BMERB1: variants seen among roughly 807,000 people sequenced by gnomAD.
BMERB1 encodes the protein bMERB domain-containing protein 1.
Under a neutral mutation model 23.6 loss-of-function variants are expected in BMERB1, and 12 were observed. That is an observed-to-expected ratio of 0.51 (90% CI 0.33 to 0.82). The LOEUF (loss-of-function observed/expected upper bound fraction) is 0.82. BMERB1 is among the 40% of genes least tolerant of loss of function. The probability of loss-of-function intolerance (pLI) is 0.03; values close to 1 mark genes in which losing one functional copy is unlikely to be tolerated. For missense variants in BMERB1, 247 were observed against 255.4 expected (o/e 0.97, Z 0.22); for synonymous variants, 122 against 96.6 (o/e 1.26, Z -1.54).
intron 2 of BMERB1, among the ~76,000 whole-genome samples, chr16:15,530,909 T>C (rs1326713474): frequency 2.1e-5 from 3 of 146,158 alleles, no homozygotes; most frequent in Non-Finnish European, 4.5e-5. Flanking sequence ...CTTTCTTTTT[T>C]TTTTTTTTTT....
At chr16:15,518,593 T>C (rs2051805631) in intron 2 of BMERB1, among the ~76,000 whole-genome samples, 1 of 152,258 alleles carries the variant, frequency 6.6e-6, no homozygotes, top group South Asian at 2.1e-4. Context: ...TTGAATTCAC[T>C]TTCTTGGCTG....
chr16:15,500,831 T>C (rs563944156), intron 1 of BMERB1, among the ~76,000 whole-genome samples: 21 of 152,290 alleles, frequency 1.4e-4, no homozygotes, highest in African/African-American at 5.1e-4. Flanking sequence ...TCTGTATTTT[T>C]AGTAGAGATG....
chr16:15,514,103 C>T (rs1413893155), intron 1 of BMERB1, among the ~76,000 whole-genome samples: 1 of 151,388 alleles, frequency 6.6e-6, no homozygotes. Flanking sequence ...ACACCCCCAT[C>T]TCTACAAAAA....
intron 5 of BMERB1, among the ~76,000 whole-genome samples, chr16:15,584,629 T>G (rs1264613487): frequency 6.6e-6 from 1 of 151,836 alleles, no homozygotes; most frequent in Non-Finnish European, 1.5e-5. Flanking sequence ...AAAAAGGAAT[T>G]TGTTGGAGAA....
At chr16:15,453,921 A>T (rs1214695096) in intron 1 of BMERB1, among the ~76,000 whole-genome samples, 1 of 152,050 alleles carries the variant, frequency 6.6e-6, no homozygotes, top group African/African-American at 2.4e-5. Flanking sequence ...CCAACCTCCA[A>T]TAACCACTGA....
At chr16:15,463,456 G>A (rs2051153973) in intron 1 of BMERB1, among the ~76,000 whole-genome samples, 2 of 152,122 alleles carry the variant, frequency 1.3e-5, no homozygotes, top group Non-Finnish European at 2.9e-5. Context: ...CAGGTTCAGT[G>A]TGGAGAGTGA....
chr16:15,489,992 G>A (rs993019598), intron 1 of BMERB1, among the ~76,000 whole-genome samples: 7 of 152,018 alleles, frequency 4.6e-5, no homozygotes, highest in Middle Eastern at 3.4e-3. Context: ...TCAGCCTTCC[G>A]AGTAGCTGGG....
At chr16:15,543,221 G>A (rs149725994) in intron 2 of BMERB1, among the ~76,000 whole-genome samples, 2,312 of 152,118 alleles carry the variant, frequency 0.015, 62 homozygotes, top group African/African-American at 0.052. Flanking sequence ...AACTCCTCTC[G>A]ATGTTCAGAC....
intron 1 of BMERB1, among the ~76,000 whole-genome samples, chr16:15,480,820 G>T (rs2051314121): frequency 6.6e-6 from 1 of 151,620 alleles, no homozygotes; most frequent in Non-Finnish European, 1.5e-5. Flanking sequence ...CACCATGTTG[G>T]CCAGGATGGT....
intron 2 of BMERB1, among the ~76,000 whole-genome samples, chr16:15,543,101 G>A (rs1027924157): frequency 1.3e-5 from 2 of 152,090 alleles, no homozygotes; most frequent in Admixed American, 6.6e-5. Context: ...TTAAGTAGTG[G>A]AAGTGGCTCT....
intron 1 of BMERB1, among the ~76,000 whole-genome samples, chr16:15,510,464 A>C (rs1473845800): frequency 3.3e-5 from 5 of 152,180 alleles, no homozygotes; most frequent in Non-Finnish European, 4.4e-5. Flanking sequence ...GGCGGTCATA[A>C]CGAGGGCAAT....
At chr16:15,541,424 T>G (rs1340848846) in intron 2 of BMERB1, among the ~76,000 whole-genome samples, 2 of 60,790 alleles carry the variant, frequency 3.3e-5, no homozygotes, top group East Asian at 8.9e-4. Context: ...CGCCGAATTG[T>G]TTTTTTTTTT....
intron 1 of BMERB1, among the ~76,000 whole-genome samples, chr16:15,458,288 T>C (rs192890715): frequency 6.6e-6 from 1 of 152,328 alleles, no homozygotes; most frequent in East Asian, 1.9e-4. Flanking sequence ...CTTCATTCTT[T>C]TGAGGGCAGA....
intron 2 of BMERB1, among the ~76,000 whole-genome samples, chr16:15,521,466 C>G (rs1193666286): frequency 6.6e-6 from 1 of 152,190 alleles, no homozygotes; most frequent in Non-Finnish European, 1.5e-5. Flanking sequence ...CTCACATAAC[C>G]CACATCAAAT....
chr16:15,486,321 T>C (rs1327074118), intron 1 of BMERB1, among the ~76,000 whole-genome samples: 2 of 151,984 alleles, frequency 1.3e-5, no homozygotes, highest in African/African-American at 4.8e-5. Context: ...TGTTGAAGGA[T>C]TCTAGGGTGT....
rs186194079 is a variant in BMERB1, at chr16:15,455,805, G to A, written c.106+21046G>A. On this transcript the variant is annotated intron_variant, in intron 1 of 5. Coordinates refer to ENST00000300006, the MANE Select transcript of BMERB1 (RefSeq NM_033201.3). Reference sequence around the variant, plus strand: ...GATACGAAACAGCTTTCTTTCAAGGGGTGCAGCTTTAAAACAGTCTACAGT... The same window carrying A: ...GATACGAAACAGCTTTCTTTCAAGGAGTGCAGCTTTAAAACAGTCTACAGT... Among the ~76,000 whole-genome samples the A allele has an allele frequency of 1.6e-3, 249 of 152,210 alleles. 4 individuals carry two copies. Among genetic ancestry groups the A allele is most frequent in the Non-Finnish European group, 1.6e-4 (11 of 68,018 alleles).
At chr16:15,534,503 G>T (rs752236449) in intron 2 of BMERB1, among the ~76,000 whole-genome samples, 10 of 151,818 alleles carry the variant, frequency 6.6e-5, no homozygotes, top group Admixed American at 3.3e-4. Flanking sequence ...GCAGTGAGCC[G>T]AGATTGTGCC....
At chr16:15,538,558 C>CT (rs943472573) in intron 2 of BMERB1, among the ~76,000 whole-genome samples, 4 of 152,138 alleles carry the variant, frequency 2.6e-5, no homozygotes, top group African/African-American at 9.7e-5. Flanking sequence ...CATGCTGCTG[C>CT]TTAGACCTGT....
At chr16:15,574,685 A>T (rs867034061) in intron 3 of BMERB1, among the ~76,000 whole-genome samples, 4 of 152,110 alleles carry the variant, frequency 2.6e-5, no homozygotes, top group Non-Finnish European at 4.4e-5. Context: ...TTTTGGCCTA[A>T]AAGGGCTGCA....
Sources: allele counts gnomAD v4.1 joint callset (sites outside exome capture counted in the v4.1 genomes callset), GRCh38; gene constraint gnomAD v4.1.1; transcripts MANE v1.5; gene names NCBI Gene and HGNC (gene_info 2026-07-23, HGNC 2026-07-21).